The following CFAP77 variants were observed in gnomAD, a reference collection of about 807,000 sequenced individuals.
CFAP77 encodes the protein cilia and flagella associated protein 77.
CFAP77 carries 25 observed loss-of-function variants against 31.1 expected under a neutral mutation model. The observed-to-expected ratio is 0.80, with a 90% confidence interval of 0.59 to 1.12. CFAP77 has a LOEUF of 1.12. Ranked by LOEUF, CFAP77 falls within the 50% of genes most tolerant of loss-of-function variation. CFAP77 has a pLI of 0.00. For missense variants in CFAP77, 377 were observed against 397.3 expected, an observed-to-expected ratio of 0.95 and a Z score of 0.44; for synonymous variants, 151 against 159.9, an observed-to-expected ratio of 0.94 and a Z score of 0.42.
At chr9:132,465,127 G>A (rs1475035988) in intron 1 of CFAP77, among the ~76,000 whole-genome samples, 3 of 150,616 alleles carry the variant, frequency 2.0e-5, no homozygotes, top group Non-Finnish European at 3.0e-5. Flanking sequence ...AAAAGAAAAT[G>A]CTGGCTTGAC....
intron 1 of CFAP77, among the ~76,000 whole-genome samples, chr9:132,446,943 G>A (rs976978492): frequency 2.6e-5 from 4 of 151,810 alleles, no homozygotes; most frequent in East Asian, 1.9e-4. Context: ...TGTGGGGAGC[G>A]GGGGTCTCCC....
rs368410315 is a variant in CFAP77 at position 132,486,372 on chromosome 9, G to A, written c.196-12323G>A. Among the ~76,000 whole-genome samples, 1,004 of 151,738 alleles carry A rather than the reference G, an allele frequency of 6.6e-3. 21 individuals are homozygous for A. The highest frequency in any genetic ancestry group is 0.023 in the African/African-American group (959 of 41,334). ...CTCCCAAAGTGCTGGGATTACAGGCGTGAGCCACCGCGCCCGGCCCACACA... is the reference window on the plus strand; with the variant it reads ...CTCCCAAAGTGCTGGGATTACAGGCATGAGCCACCGCGCCCGGCCCACACA... On this transcript the variant is annotated intron_variant, in intron 1 of 5. Coordinates refer to ENST00000393216, the MANE Select transcript of CFAP77 (RefSeq NM_001282957.2).
chr9:132,501,649 C>T lies in CFAP77; in HGVS notation c.524+2049C>T, dbSNP rs1421429874. Among the ~76,000 whole-genome samples the T allele has an allele frequency of 1.3e-5, 2 of 152,166 alleles. No individual in the cohort carries two copies. The highest frequency in any genetic ancestry group is 6.5e-5 in the Admixed American group (1 of 15,274). ...AACTCCTGGCCTCAGGTGATCCACCCGCCTTGGCCTCCCAAAGTGCTAGGA... is the reference window on the plus strand; with the variant it reads ...AACTCCTGGCCTCAGGTGATCCACCTGCCTTGGCCTCCCAAAGTGCTAGGA... On this transcript the variant is annotated intron_variant, in intron 3 of 5. Transcript: ENST00000393216. This position sits in a 1 kb window ranked among gnomAD's most constrained non-coding sequence, Gnocchi z 4.6.
intron 1 of CFAP77, among the ~76,000 whole-genome samples, chr9:132,439,669 A>C (rs1019545912): frequency 1.3e-5 from 2 of 151,634 alleles, no homozygotes; most frequent in African/African-American, 2.4e-5. Flanking sequence ...ACATGGTGAA[A>C]CCCTGTCTTT....
chr9:132,426,231 A>C (rs1335464539), intron 1 of CFAP77, among the ~76,000 whole-genome samples: 1 of 152,234 alleles, frequency 6.6e-6, no homozygotes, highest in East Asian at 1.9e-4. Flanking sequence ...TCATTTGGCA[A>C]GGCAAATTTT....
chr9:132,570,852 A>G (rs1829949285), intron 5 of CFAP77, among the ~76,000 whole-genome samples: 1 of 152,084 alleles, frequency 6.6e-6, no homozygotes, highest in African/African-American at 2.4e-5. Context: ...TCCAGAACTT[A>G]AGAGTCCAGA....
intron 5 of CFAP77, among the ~76,000 whole-genome samples, chr9:132,563,726 T>G (rs951006943): frequency 4.6e-5 from 7 of 152,236 alleles, no homozygotes; most frequent in African/African-American, 1.7e-4. Context: ...GTTGTACGAA[T>G]GAACACACTC....
chr9:132,519,642 A>AGATG (rs1170866405), intron 3 of CFAP77, among the ~76,000 whole-genome samples: 6,394 of 41,498 alleles, frequency 0.15, 634 homozygotes, highest in African/African-American at 0.3. Context: ...GTGGATGGGC[A>AGATG]GATGGATGGA....
chr9:132,438,539 A>ATTTTTTTTT (rs1165427680), intron 1 of CFAP77, among the ~76,000 whole-genome samples: 1 of 115,448 alleles, frequency 8.7e-6, no homozygotes, highest in African/African-American at 4.1e-5. Context: ...ATATATATAT[A>ATTTTTTTTT]TATTTTTTTT....
chr9:132,488,299 C>G (rs1468459980), intron 1 of CFAP77, among the ~76,000 whole-genome samples: 3 of 152,196 alleles, frequency 2.0e-5, no homozygotes. Flanking sequence ...GAAGTGACCA[C>G]TGGCCCGTTT....
rs749463887 is a variant in CFAP77, at chr9:132,499,437, A to G, written c.361A>G (p.Ile121Val). ...CCCCCACGAGCTGACCCGGAATTAT[A>G]TCGCAATGAACCGCGGGGCGGTGAA... is the stretch of plus-strand genomic sequence containing the variant. ...TCPHELTRNY[I>V]AMNRGAVKAG... Residue 121 changes from isoleucine (I) to valine (V), a missense_variant, in exon 3 of 6, where the codon ATC (isoleucine) becomes GTC (valine). Transcript: ENST00000393216. This position sits in a 1 kb window ranked among gnomAD's most constrained non-coding sequence, Gnocchi z 5.4. 2.0e-5 allele frequency: 32 copies of G among 1,614,102 alleles called. No individual in the cohort carries two copies. Among genetic ancestry groups the G allele is most frequent in the Non-Finnish European group, 2.7e-5 (32 of 1,180,060 alleles).
At position 132,572,515 on chromosome 9, in the gene CFAP77, TC is replaced by T; in HGVS notation, c.*8del. On this transcript the variant is annotated 3_prime_UTR_variant, in exon 6 of 6. Coordinates refer to ENST00000393216, the MANE Select transcript of CFAP77 (RefSeq NM_001282957.2). Reference sequence around the variant, plus strand: ...GGCAACTACACCCACCCCTAGCCCCTCCCTCCCCTGCCACAAGAAGCCATCT... The same window carrying T: ...GGCAACTACACCCACCCCTAGCCCCTCCTCCCCTGCCACAAGAAGCCATCT... 9.6e-7 allele frequency: 1 copy of T among 1,040,506 alleles called. No individual in the cohort carries two copies. The highest frequency in any genetic ancestry group is 3.8e-5 in the East Asian group (1 of 26,016). The allele number at this position is 1,040,506 out of a possible 1,614,324, so 64.5% of individuals were successfully genotyped here.
In CFAP77 at chr9:132,481,574, T is replaced by C. The variant is rs1294928037; in HGVS notation, c.196-17121T>C. Among the ~76,000 whole-genome samples the C allele has an allele frequency of 1.3e-5, 2 of 152,156 alleles. No homozygotes were observed. Among genetic ancestry groups the C allele is most frequent in the South Asian group, 4.1e-4 (2 of 4,828 alleles). On this transcript the variant is annotated intron_variant, in intron 1 of 5. Transcript: ENST00000393216. The surrounding 1 kb of genome is among the most constrained non-coding windows in gnomAD (Gnocchi z 5.0). The stretch of plus-strand genomic sequence containing the variant: ...GGAGAAGCATTGCTGCTGAGGCCTC[T>C]GCATCATCTGCCCTAGGAAATGTCA...
chr9:132,515,026 C>T (rs1195683810), intron 3 of CFAP77, among the ~76,000 whole-genome samples: 3 of 152,184 alleles, frequency 2.0e-5, no homozygotes, highest in Admixed American at 6.5e-5. Context: ...TGGAGGGTCC[C>T]CTGCCCGGGA....
rs531488896 is a variant in CFAP77 at position 132,474,901 on chromosome 9, G to A, written c.196-23794G>A. Among the ~76,000 whole-genome samples, 370 of 152,280 alleles carry A rather than the reference G, an allele frequency of 2.4e-3. 3 individuals carry two copies. Among genetic ancestry groups the A allele is most frequent in the African/African-American group, 8.4e-3 (348 of 41,566 alleles). On this transcript the variant is annotated intron_variant, in intron 1 of 5. Transcript: ENST00000393216. ...CTTGTAAAAGGATTGCATTGAAGGC[G>A]TGTTTTAAGCTGCATTTTAATAAGT... is the stretch of plus-strand genomic sequence containing the variant.
intron 3 of CFAP77, among the ~76,000 whole-genome samples, chr9:132,532,183 G>T (rs182462097): frequency 5.6e-4 from 85 of 152,222 alleles, no homozygotes; most frequent in African/African-American, 2.0e-3. Context: ...GGCGGCAGCT[G>T]GAAGCTGCTG....
intron 5 of CFAP77, among the ~76,000 whole-genome samples, chr9:132,547,610 G>T (rs1258977551): frequency 4.6e-5 from 7 of 152,180 alleles, no homozygotes; most frequent in Non-Finnish European, 1.0e-4. Context: ...GGGGTGACAT[G>T]GACAGACAGA....
rs370533476 is a variant in CFAP77, at chr9:132,537,653, G to T, written c.577G>T (p.Val193Leu). The T allele has an allele frequency of 5.0e-6, 8 of 1,613,372 alleles. No homozygotes were observed. Among genetic ancestry groups the T allele is most frequent in the African/African-American group, 1.3e-5 (1 of 74,904 alleles). The change falls in exon 4 of 6, where the codon GTA becomes TTA. Residue 193 changes from valine (V) to leucine (L), a missense_variant. Transcript: ENST00000393216. ...LLQHRYLQLW[V>L]QEQKATQKAI... ...GCAGCACCGGTACCTGCAGCTGTGG[G>T]TACAGGAACAAAAGGCCACCCAGAA... is the stretch of plus-strand genomic sequence containing the variant.
rs935014584 is a variant in CFAP77 at position 132,517,380 on chromosome 9, G to A, written c.524+17780G>A. ...AGCATCAAGAGCCAAATAAGGACCC[G>A]TCTTGAGTGGAATCACGTTGAACAG... On this transcript the variant is annotated intron_variant, in intron 3 of 5. Coordinates refer to ENST00000393216, the MANE Select transcript of CFAP77 (RefSeq NM_001282957.2). This position sits in a 1 kb window ranked among gnomAD's most constrained non-coding sequence, Gnocchi z 4.7. 1.3e-4 allele frequency among the ~76,000 whole-genome samples: 20 copies of A among 152,156 alleles called. No homozygotes were observed. Among genetic ancestry groups the A allele is most frequent in the Admixed American group, 2.6e-4 (4 of 15,276 alleles).
Sources: gnomAD v4.1 joint callset for allele counts (sites outside exome capture counted in the v4.1 genomes callset) on GRCh38, gnomAD v4.1.1 for gene constraint, Gnocchi (gnomAD v3.1) non-coding constraint, MANE v1.5 for transcripts, NCBI Gene and HGNC (gene_info 2026-07-23, HGNC 2026-07-21) for gene names.